Variants in DPP10 observed in about 807,000 individuals in gnomAD.
DPP10 encodes the protein inactive dipeptidyl peptidase 10.
DPP10 carries 33 observed loss-of-function variants against 120.9 expected under a neutral mutation model. The observed-to-expected ratio is 0.27, with a 90% confidence interval of 0.21 to 0.37. DPP10 has a LOEUF of 0.37. DPP10 is among the 10% of genes least tolerant of loss of function. The probability of loss-of-function intolerance (pLI) is 1.00; values close to 1 mark genes in which losing one functional copy is unlikely to be tolerated. For synonymous variants in DPP10, 337 were observed against 326.1 expected, an observed-to-expected ratio of 1.03 and a Z score of -0.36; for missense variants, 816 against 942.8, an observed-to-expected ratio of 0.87 and a Z score of 1.76.
At chr2:114,997,228 G>A (rs183804373) in intron 1 of DPP10, among the ~76,000 whole-genome samples, 2 of 151,484 alleles carry the variant, frequency 1.3e-5, no homozygotes, top group African/African-American at 2.4e-5. Context: ...ATAGATGCAC[G>A]CCTGTAATTC....
intron 1 of DPP10, among the ~76,000 whole-genome samples, chr2:114,768,102 C>T (rs558672496): frequency 1.3e-4 from 18 of 134,946 alleles, no homozygotes; most frequent in South Asian, 6.9e-4. Flanking sequence ...CACTCCAGGT[C>T]GGACGACAGA....
intron 3 of DPP10, among the ~76,000 whole-genome samples, chr2:115,355,110 C>T (rs948463720): frequency 2.6e-5 from 4 of 152,122 alleles, no homozygotes; most frequent in African/African-American, 9.7e-5. Flanking sequence ...GTTCTAGATC[C>T]TTGAGGAATT....
intron 1 of DPP10, among the ~76,000 whole-genome samples, chr2:114,728,759 C>T (rs1676599678): frequency 6.6e-6 from 1 of 152,198 alleles, no homozygotes; most frequent in South Asian, 2.1e-4. Context: ...AAGGAAAATA[C>T]ACATACAGTG....
intron 1 of DPP10, among the ~76,000 whole-genome samples, chr2:114,451,945 G>A (rs189538939): frequency 4.4e-4 from 67 of 152,182 alleles, no homozygotes; most frequent in Non-Finnish European, 7.7e-4. Context: ...AAGAACAAAA[G>A]GTTTGTTCAT....
intron 1 of DPP10, among the ~76,000 whole-genome samples, chr2:114,777,261 C>G (rs1226578736): frequency 6.6e-6 from 1 of 152,028 alleles, no homozygotes; most frequent in African/African-American, 2.4e-5. Context: ...AATTCTGCAG[C>G]CTAGGAAACA....
chr2:115,637,421 C>A (rs2086432385), intron 5 of DPP10, among the ~76,000 whole-genome samples: 1 of 151,716 alleles, frequency 6.6e-6, no homozygotes, highest in South Asian at 2.1e-4. Flanking sequence ...GTACAAATTT[C>A]TAAAAATAGA....
chr2:115,260,966 T>C (rs2059226465), intron 1 of DPP10, among the ~76,000 whole-genome samples: 1 of 152,212 alleles, frequency 6.6e-6, no homozygotes, highest in Admixed American at 6.5e-5. Context: ...AAAACCATAA[T>C]TAGTATTTGC....
At chr2:114,767,433 A>G (rs980343812) in intron 1 of DPP10, among the ~76,000 whole-genome samples, 1 of 151,850 alleles carries the variant, frequency 6.6e-6, no homozygotes, top group Non-Finnish European at 1.5e-5. Context: ...AGTAATTTAT[A>G]GTACCAAAAA....
chr2:114,902,695 C>G (rs1250366403), intron 1 of DPP10, among the ~76,000 whole-genome samples: 2 of 152,192 alleles, frequency 1.3e-5, no homozygotes, highest in Non-Finnish European at 2.9e-5. Flanking sequence ...AGTACAGAGA[C>G]TTCCCTGATA....
intron 1 of DPP10, among the ~76,000 whole-genome samples, chr2:114,608,992 G>A (rs72953536): frequency 5.9e-5 from 9 of 151,878 alleles, no homozygotes; most frequent in Non-Finnish European, 4.4e-5. Context: ...ACAGCATCAC[G>A]CAATATACTC....
intron 5 of DPP10, among the ~76,000 whole-genome samples, chr2:115,548,176 CCT>C (rs1235343836): frequency 1.3e-5 from 2 of 152,060 alleles, no homozygotes; most frequent in Non-Finnish European, 2.9e-5. Flanking sequence ...TAATCTGATT[CCT>C]CTGTTTTTTA....
chr2:115,117,212 C>A (rs2049560005), intron 1 of DPP10, among the ~76,000 whole-genome samples: 1 of 151,998 alleles, frequency 6.6e-6, no homozygotes, highest in South Asian at 2.1e-4. Context: ...GATTATTTAG[C>A]CTATTTTATT....
chr2:114,875,530 A>G (rs1691081669), intron 1 of DPP10, among the ~76,000 whole-genome samples: 1 of 152,134 alleles, frequency 6.6e-6, no homozygotes, highest in Admixed American at 6.6e-5. Flanking sequence ...TTCGGCCCAA[A>G]TTCTCAGCAG....
intron 1 of DPP10, among the ~76,000 whole-genome samples, chr2:115,210,138 T>G (rs1287947437): frequency 6.6e-6 from 1 of 152,172 alleles, no homozygotes. Context: ...GTCATTTACA[T>G]TAGGTATATC....
chr2:115,282,345 G>T (rs2060194405), intron 1 of DPP10, among the ~76,000 whole-genome samples: 1 of 151,854 alleles, frequency 6.6e-6, no homozygotes, highest in African/African-American at 2.4e-5. Flanking sequence ...CTGTATTGGG[G>T]TACAATTTAC....
intron 1 of DPP10, among the ~76,000 whole-genome samples, chr2:114,545,883 A>G (rs75996477): frequency 0.045 from 6,846 of 152,218 alleles, 509 homozygotes; most frequent in African/African-American, 0.16. Context: ...AAAACTCTCA[A>G]TGAGTGTCTT....
intron 3 of DPP10, among the ~76,000 whole-genome samples, chr2:115,448,322 A>G (rs2072804794): frequency 6.6e-6 from 1 of 152,228 alleles, no homozygotes; most frequent in Non-Finnish European, 1.5e-5. Context: ...AAGATAATCA[A>G]TTAAAAACAG....
At chr2:115,736,516 A>G (rs769589786) in intron 8 of DPP10, among the ~76,000 whole-genome samples, 5 of 152,132 alleles carry the variant, frequency 3.3e-5, no homozygotes, top group Non-Finnish European at 7.3e-5. Context: ...TAATGGATAA[A>G]TGTTTCTGTA....
At chr2:114,646,113 T>C (rs916492808) in intron 1 of DPP10, among the ~76,000 whole-genome samples, 21 of 151,642 alleles carry the variant, frequency 1.4e-4, no homozygotes, top group African/African-American at 5.1e-4. Flanking sequence ...TGAGCTGAGA[T>C]TGTGTCACTG....
Sources: gnomAD v4.1 joint callset for allele counts (sites outside exome capture counted in the v4.1 genomes callset) on GRCh38, gnomAD v4.1.1 for gene constraint, MANE v1.5 for transcripts, NCBI Gene and HGNC (gene_info 2026-07-23, HGNC 2026-07-21) for gene names.